ZFAND6: variants seen among roughly 807,000 people sequenced by gnomAD.
The protein encoded by ZFAND6 is AN1-type zinc finger protein 6.
In ZFAND6, 12 loss-of-function variants were observed where a neutral mutation model predicts 24.5. The observed-to-expected ratio is 0.49, with a 90% CI of 0.31 to 0.79. The LOEUF is 0.79. Among genes scored for constraint, ZFAND6 ranks in the 30% least tolerant of loss-of-function variants. ZFAND6 has a pLI of 0.04. For missense variants in ZFAND6, 207 were observed against 245.9 expected, an observed-to-expected ratio of 0.84 and a Z score of 1.06; for synonymous variants, 92 against 81.5, an observed-to-expected ratio of 1.13 and a Z score of -0.69.
chr15:80,093,413 C>G (rs2038510411), intron 1 of ZFAND6, among the ~76,000 whole-genome samples: 1 of 151,912 alleles, frequency 6.6e-6, no homozygotes, highest in South Asian at 2.1e-4. Context: ...TATATTCTTT[C>G]AAATAATCGG....
intron 1 of ZFAND6, among the ~76,000 whole-genome samples, chr15:80,070,715 G>T (rs974163971): frequency 2.0e-5 from 3 of 152,164 alleles, no homozygotes; most frequent in Non-Finnish European, 4.4e-5. Flanking sequence ...GTGAAAAATT[G>T]ATGCGAGAGC....
chr15:80,116,622 C>T (rs2039887524), intron 2 of ZFAND6, among the ~76,000 whole-genome samples: 1 of 152,058 alleles, frequency 6.6e-6, no homozygotes, highest in Non-Finnish European at 1.5e-5. Context: ...ATAACATTAT[C>T]AGATAATAGA....
At chr15:80,076,730 G>A (rs1047963654) in intron 1 of ZFAND6, among the ~76,000 whole-genome samples, 2 of 152,100 alleles carry the variant, frequency 1.3e-5, no homozygotes, top group Non-Finnish European at 2.9e-5. Context: ...TGTCAGACTG[G>A]AAGTCCTTTC....
At chr15:80,103,962 C>A (rs529878768) in intron 2 of ZFAND6, among the ~76,000 whole-genome samples, 32 of 152,220 alleles carry the variant, frequency 2.1e-4, no homozygotes, top group Middle Eastern at 3.4e-3. Context: ...GGTTCTCCCA[C>A]CATAGGCTCC....
chr15:80,116,696 T>C (rs2039891210), intron 2 of ZFAND6, among the ~76,000 whole-genome samples: 1 of 152,192 alleles, frequency 6.6e-6, no homozygotes, highest in African/African-American at 2.4e-5. Flanking sequence ...AGTGTGAAAT[T>C]GAAACCATAC....
In ZFAND6 at chr15:80,059,968, TGGGCCCGCG is replaced by T. The variant is rs1055245427; in HGVS notation, c.-181+163_-181+171del. 6.1e-4 allele frequency among the ~76,000 whole-genome samples: 92 copies of T among 150,364 alleles called. 1 individual carries two copies. In the East Asian group the frequency reaches 0.011, roughly 19 times the overall value. On this transcript the variant is annotated intron_variant, in intron 1 of 6. Coordinates refer to ENST00000261749, the MANE Select transcript of ZFAND6 (RefSeq NM_019006.4). ...GGCGGCCGGCCGGCGCAGCAGGTGG[TGGGCCCGCG>T]GGGGCCGCGGGCGAGAGGGCGAGGA...
intron 6 of ZFAND6, 101 bp downstream of exon 6, chr15:80,131,394 G>A (rs1555437215): frequency 1.0e-6 from 1 of 972,748 alleles, no homozygotes; most frequent in Non-Finnish European, 1.5e-6. Context: ...GTTCCCTTGA[G>A]AGTTAATATT....
At chr15:80,111,494 A>G (rs1277406801) in intron 2 of ZFAND6, 1 of 455,868 alleles carries the variant, frequency 2.2e-6, no homozygotes. Context: ...GCCACCTAAG[A>G]TAGGAATGTC....
rs55872915 is a variant in ZFAND6, at chr15:80,127,589, C to CAAA, written c.365-3567_365-3565dup. ...TGGGCAAAAGGGCAAAACTCCATCTCAAAAAAAAAAAAAAAAAAAAAAAAA... is the reference window on the plus strand; with the variant it reads ...TGGGCAAAAGGGCAAAACTCCATCTCAAAAAAAAAAAAAAAAAAAAAAAAAAAA... On this transcript the variant is annotated intron_variant, in intron 5 of 6. Transcript: ENST00000261749. Among the ~76,000 whole-genome samples the CAAA allele has an allele frequency of 4.3e-4, 52 of 120,046 alleles. 2 individuals carry two copies. Among genetic ancestry groups the CAAA allele is most frequent in the South Asian group, 5.4e-4 (2 of 3,718 alleles). The allele number at this position is 120,046 out of a possible 152,430, so 78.8% of individuals were successfully genotyped here.
At chr15:80,078,195 C>T (rs951926454) in intron 1 of ZFAND6, among the ~76,000 whole-genome samples, 5 of 152,134 alleles carry the variant, frequency 3.3e-5, no homozygotes, top group Non-Finnish European at 7.3e-5. Flanking sequence ...AATAGTTTTT[C>T]AACACTCGCC....
Position 80,122,269 on chromosome 15 carries a change from C to T in ZFAND6, c.264-431C>T, listed in dbSNP as rs143246907. Among the ~76,000 whole-genome samples, 906 of 152,236 alleles carry T rather than the reference C, an allele frequency of 6.0e-3. 13 individuals are homozygous for T. Among genetic ancestry groups the T allele is most frequent in the African/African-American group, 0.02 (839 of 41,552 alleles). The stretch of plus-strand genomic sequence containing the variant: ...GTCACATCATTTAGAAGCCTGCATA[C>T]AGCAATACTGGTTTCATTTTTATTC... On this transcript the variant is annotated intron_variant, in intron 4 of 6. Transcript: ENST00000261749.
intron 1 of ZFAND6, among the ~76,000 whole-genome samples, chr15:80,091,541 A>G (rs1212899700): frequency 6.6e-6 from 1 of 152,208 alleles, no homozygotes; most frequent in African/African-American, 2.4e-5. Context: ...TTTTAGAGAA[A>G]AGTAACACTG....
intron 1 of ZFAND6, among the ~76,000 whole-genome samples, chr15:80,062,197 T>C (rs997964510): frequency 6.6e-6 from 1 of 152,212 alleles, no homozygotes; most frequent in Non-Finnish European, 1.5e-5. Flanking sequence ...AGCATACTCA[T>C]GTAAAAGAAA....
At chr15:80,093,200 C>T (rs978149817) in intron 1 of ZFAND6, among the ~76,000 whole-genome samples, 2 of 151,718 alleles carry the variant, frequency 1.3e-5, no homozygotes, top group East Asian at 2.0e-4. Context: ...CTCCTGACCT[C>T]GTGATCCGCC....
intron 1 of ZFAND6, among the ~76,000 whole-genome samples, chr15:80,086,430 T>C (rs1050836939): frequency 6.6e-6 from 1 of 152,258 alleles, no homozygotes; most frequent in African/African-American, 2.4e-5. Flanking sequence ...TATAAAGTTA[T>C]GTTGTTACTA....
chr15:80,134,674 A>C (rs1442372367), intron 6 of ZFAND6, among the ~76,000 whole-genome samples: 4 of 152,248 alleles, frequency 2.6e-5, no homozygotes, highest in African/African-American at 9.6e-5. Flanking sequence ...AAGGATTTCA[A>C]GATAGGGATC....
At chr15:80,104,035 G>A (rs1019849274) in intron 2 of ZFAND6, among the ~76,000 whole-genome samples, 1 of 152,092 alleles carries the variant, frequency 6.6e-6, no homozygotes, top group Non-Finnish European at 1.5e-5. Flanking sequence ...TCTTTGTAGA[G>A]ACGGGGATCT....
At chr15:80,091,441 C>A (rs562994619) in intron 1 of ZFAND6, among the ~76,000 whole-genome samples, 1 of 152,122 alleles carries the variant, frequency 6.6e-6, no homozygotes, top group East Asian at 1.9e-4. Flanking sequence ...GAAAAGGTAA[C>A]CAGGACCTTT....
At position 80,126,124 on chromosome 15, in the gene ZFAND6, G is replaced by A. The variant is rs575232367; in HGVS notation, c.364+3324G>A. Reference sequence around the variant, plus strand: ...GATGTTAGAGACCATATAGAGAGAGGAATGCTGTGCTTAGTGACAGGATGA... The same window carrying A: ...GATGTTAGAGACCATATAGAGAGAGAAATGCTGTGCTTAGTGACAGGATGA... On this transcript the variant is annotated intron_variant, in intron 5 of 6. Coordinates refer to ENST00000261749, the MANE Select transcript of ZFAND6 (RefSeq NM_019006.4). Among the ~76,000 whole-genome samples the A allele has an allele frequency of 4.6e-5, 7 of 152,264 alleles. No homozygotes were observed. In the East Asian group the frequency reaches 1.4e-3, roughly 29 times the overall value.
Sources: gnomAD v4.1 joint callset for allele counts (sites outside exome capture counted in the v4.1 genomes callset) on GRCh38, gnomAD v4.1.1 for gene constraint, MANE v1.5 for transcripts, NCBI Gene and HGNC (gene_info 2026-07-23, HGNC 2026-07-21) for gene names.